Variants in DNAH5 observed in about 807,000 individuals in gnomAD.
DNAH5 encodes the protein dynein axonemal heavy chain 5, also known as axonemal beta dynein heavy chain 5.
DNAH5 carries 372 observed loss-of-function variants against 518.2 expected under a neutral mutation model. The ratio of observed to expected loss-of-function variants is 0.72; its 90% CI spans 0.66 to 0.78. The LOEUF (loss-of-function observed/expected upper bound fraction) is 0.78, where lower values mean the gene tolerates loss of function less well. DNAH5 is among the 30% of genes least tolerant of loss of function. The pLI is 0.00. For synonymous variants in DNAH5, 2,039 were observed against 2,025.9 expected (o/e 1.01, Z -0.17); for missense variants, 5,523 against 5,687.0 (o/e 0.97, Z 0.93).
At chr5:13,848,400 T>C (rs1040475571) in intron 31 of DNAH5, among the ~76,000 whole-genome samples, 5 of 152,240 alleles carry the variant, frequency 3.3e-5, no homozygotes, top group African/African-American at 1.2e-4. Flanking sequence ...ACCAATTTCA[T>C]GGAAGACCAG....
Position 13,735,290 on chromosome 5 carries a change from T to A in DNAH5, c.11602A>T (p.Ile3868Phe). 6.2e-7 allele frequency: 1 copy of A among 1,614,098 alleles called. No homozygotes were observed. Among genetic ancestry groups the A allele is most frequent in the South Asian group, 1.1e-5 (1 of 91,082 alleles). Residue 3868 changes from isoleucine to phenylalanine, a missense_variant, in exon 68 of 79, where the codon ATT becomes TTT. Physicochemically the swap from Ile to Phe is conservative, Grantham distance 21 (BLOSUM62 0). Around this residue, in one of 3 missense-constraint regions of DNAH5, gnomAD observed 5,121 missense variants for 5,223.3 expected, o/e 0.98. Coordinates refer to ENST00000265104, the MANE Select transcript of DNAH5 (RefSeq NM_001369.3). ...GTCATGTGCTCGATGATATTAGCAA[T>A]CCTCTTGCTTGTAATCGGGCTCTTG... ...SVKSPITSKR[I>F]ANIIEHMTYE...
In DNAH5 at chr5:13,922,203, G is replaced by T; in HGVS notation, c.564C>A (p.Gly188=). 6.2e-7 allele frequency: 1 copy of T among 1,613,978 alleles called. No homozygotes were observed. The highest frequency in any genetic ancestry group is 8.5e-7 in the Non-Finnish European group (1 of 1,179,952). Residue 188 remains glycine (G), a synonymous_variant, in exon 5 of 79, where the codon GGC becomes GGA. Coordinates refer to ENST00000265104, the MANE Select transcript of DNAH5 (RefSeq NM_001369.3). ...ATSHGWGELE[G]LQDAANIRQE... ...GGCGAATGTTAGCTGCGTCCTGAAG[G>T]CCCTCGAGCTCGCCCCAGCCATGGC...
chr5:13,763,828 A>T (rs1172657043), intron 59 of DNAH5, among the ~76,000 whole-genome samples: 1 of 152,224 alleles, frequency 6.6e-6, no homozygotes. Context: ...GACAAATGCA[A>T]GGGAGAGTCC....
chr5:13,867,852 G>C lies in DNAH5; in HGVS notation c.3975C>G (p.Pro1325=). Residue 1325 remains proline, a synonymous_variant, in exon 25 of 79, where the codon CCC becomes CCG. Transcript: ENST00000265104. The part of the protein sequence containing the change: ...EVQNKLVSLQ[P]SFKKELISAV... ...CACTAATAAGCTCTTTCTTGAAACT[G>C]GGCTGCAGTGAGACTAATTTATTCT... 6.2e-7 allele frequency: 1 copy of C among 1,614,034 alleles called. No individual in the cohort carries two copies. The highest frequency in any genetic ancestry group is 8.5e-7 in the Non-Finnish European group (1 of 1,179,980).
intron 50 of DNAH5, among the ~76,000 whole-genome samples, chr5:13,791,336 G>A (rs1308601283): frequency 2.0e-5 from 3 of 152,268 alleles, no homozygotes; most frequent in African/African-American, 7.2e-5. Flanking sequence ...CATAGGCTAC[G>A]CTTTGGAACA....
At chr5:13,915,098 T>G (rs1211643796) in intron 9 of DNAH5, among the ~76,000 whole-genome samples, 1 of 152,122 alleles carries the variant, frequency 6.6e-6, no homozygotes, top group Admixed American at 6.6e-5. Flanking sequence ...GGAAAACTAA[T>G]GTACAAAACC....
intron 56 of DNAH5, among the ~76,000 whole-genome samples, chr5:13,770,201 C>G (rs1296648005): frequency 6.6e-6 from 1 of 152,128 alleles, no homozygotes; most frequent in East Asian, 1.9e-4. Flanking sequence ...ATGATCTGAT[C>G]AGAAAAGCAT....
intron 65 of DNAH5, among the ~76,000 whole-genome samples, chr5:13,742,835 C>T (rs1356326665): frequency 1.3e-5 from 2 of 151,672 alleles, no homozygotes; most frequent in Non-Finnish European, 2.9e-5. Context: ...TTTGGAATCC[C>T]AAAAGCAATC....
intron 16 of DNAH5, 30 bp downstream of exon 16, chr5:13,894,620 C>T (rs777186732): frequency 2.5e-6 from 4 of 1,608,662 alleles, no homozygotes; most frequent in Non-Finnish European, 3.4e-6. Flanking sequence ...CTTTAGAATT[C>T]AGAAATACTA....
Position 13,871,544 on chromosome 5 carries a change from A to G in DNAH5, c.3598+20T>C, listed in dbSNP as rs114961699. The G allele has an allele frequency of 1.8e-3, 2,836 of 1,591,918 alleles. 39 individuals carry two copies. In the African/African-American group the frequency reaches 0.033, roughly 19 times the overall value. On this transcript the variant is annotated intron_variant, in intron 23 of 78. Transcript: ENST00000265104. The stretch of plus-strand genomic sequence containing the variant: ...AATAATGGCTAATTTATATAACTAT[A>G]TGAAAGAAAATGAACCAACCTGTGT...
intron 11 of DNAH5, among the ~76,000 whole-genome samples, chr5:13,912,996 C>T (rs1490372331): frequency 6.6e-6 from 1 of 151,716 alleles, no homozygotes; most frequent in Non-Finnish European, 1.5e-5. Context: ...AAAAAGATTC[C>T]TTATATTGGG....
chr5:13,865,938 A>G lies in DNAH5; in HGVS notation c.4117-32T>C, dbSNP rs112168545. 984 of 1,374,952 alleles carry G rather than the reference A, an allele frequency of 7.2e-4. 8 individuals carry two copies. The African/African-American group carries it at 0.012, about 17-fold the overall frequency. 85.2% of individuals were successfully genotyped at this position (1,374,952 alleles called of 1,614,324 possible). On this transcript the variant is annotated intron_variant, in intron 26 of 78. Coordinates refer to ENST00000265104, the MANE Select transcript of DNAH5 (RefSeq NM_001369.3). ...AAAACACAAGTGAAAACGCATCAAA[A>G]TGATTTATACATGATCAACATACAA...
Position 13,769,491 on chromosome 5 carries a change from GC to G in DNAH5, c.9720+9del. 6.2e-7 allele frequency: 1 copy of G among 1,608,472 alleles called. No homozygotes were observed. The highest frequency in any genetic ancestry group is 8.5e-7 in the Non-Finnish European group (1 of 1,174,882). ...AAAGGAATGTGGCACATGTGTAAATGCCCACCCACCATGTCGGCTTTATCGT... is the reference window on the plus strand; with the variant it reads ...AAAGGAATGTGGCACATGTGTAAATGCCACCCACCATGTCGGCTTTATCGT... On this transcript the variant is annotated intron_variant, in intron 57 of 78. Coordinates refer to ENST00000265104, the MANE Select transcript of DNAH5 (RefSeq NM_001369.3).
intron 1 of DNAH5, among the ~76,000 whole-genome samples, chr5:13,988,945 T>G (rs891494334): frequency 6.6e-6 from 1 of 151,896 alleles, no homozygotes; most frequent in Non-Finnish European, 1.5e-5. Flanking sequence ...CCAGGCCTGG[T>G]CTCAAACTCC....
Position 13,792,526 on chromosome 5 carries a change from A to G in DNAH5, c.8225-309T>C, listed in dbSNP as rs188604971. 6.2e-3 allele frequency among the ~76,000 whole-genome samples: 937 copies of G among 152,340 alleles called. 14 individuals are homozygous for G. Among genetic ancestry groups the G allele is most frequent in the African/African-American group, 0.022 (900 of 41,578 alleles). On this transcript the variant is annotated intron_variant, in intron 49 of 78. Coordinates refer to ENST00000265104, the MANE Select transcript of DNAH5 (RefSeq NM_001369.3). ...GATAAATGCATGAAGTTACCTTATA[A>G]TAAGATAAGAAAAAAGTTTTTATAA...
intron 50 of DNAH5, among the ~76,000 whole-genome samples, 180 bp downstream of exon 50, chr5:13,791,814 T>C (rs1757040635): frequency 6.6e-6 from 1 of 152,238 alleles, no homozygotes; most frequent in South Asian, 2.1e-4. Context: ...AATTTATCAT[T>C]GACTGACATT....
At chr5:13,902,479 G>C (rs12654999) in intron 12 of DNAH5, among the ~76,000 whole-genome samples, 52,930 of 152,030 alleles carry the variant, frequency 0.35, 10,261 homozygotes, top group East Asian at 0.76. Flanking sequence ...AGGGATCCTT[G>C]AAGTGCTGCC....
chr5:13,906,489 T>C (rs1775314406), intron 12 of DNAH5, among the ~76,000 whole-genome samples: 1 of 152,206 alleles, frequency 6.6e-6, no homozygotes, highest in African/African-American at 2.4e-5. Flanking sequence ...ATTAAAAGTG[T>C]GATATAGTGA....
At position 13,721,174 on chromosome 5, in the gene DNAH5, C is replaced by A. The variant is rs199735129; in HGVS notation, c.12105G>T (p.Thr4035=). The part of the protein sequence containing the change: ...AEGVILDLEK[T]WEESDPRTPL... ...GCGTCCGTGGATCAGATTCCTCCCACGTCTTCTCCAAGTCTAAAATAACAC... is the reference window on the plus strand; with the variant it reads ...GCGTCCGTGGATCAGATTCCTCCCAAGTCTTCTCCAAGTCTAAAATAACAC... The change falls in exon 71 of 79, where the codon ACG becomes ACT. Residue 4035 remains threonine, a synonymous_variant. Transcript: ENST00000265104. 6.2e-7 allele frequency: 1 copy of A among 1,614,146 alleles called. No individual in the cohort carries two copies. Among genetic ancestry groups the A allele is most frequent in the Non-Finnish European group, 8.5e-7 (1 of 1,179,996 alleles).
Sources: allele counts gnomAD v4.1 joint callset (sites outside exome capture counted in the v4.1 genomes callset), GRCh38; gene constraint gnomAD v4.1.1; regional missense constraint gnomAD v4.1.1; transcripts MANE v1.5; gene names NCBI Gene and HGNC (gene_info 2026-07-23, HGNC 2026-07-21).